BCAS3: variants seen among roughly 807,000 people sequenced by gnomAD.
BCAS3 encodes the protein BCAS3 microtubule associated cell migration factor.
Under a neutral mutation model 116.1 loss-of-function variants are expected in BCAS3, and 53 were observed. The observed-to-expected ratio is 0.46, with a 90% confidence interval of 0.37 to 0.57. BCAS3 has a LOEUF of 0.57. Ranked by LOEUF, BCAS3 falls within the 20% of genes least tolerant of loss-of-function variation. The pLI is 0.00. For missense variants in BCAS3, 917 were observed against 1,165.4 expected (o/e 0.79, Z 3.10); for synonymous variants, 391 against 408.2 (o/e 0.96, Z 0.51).
At chr17:61,375,246 G>GTGCGCGCGCGCGCACACA (rs1555861734) in intron 23 of BCAS3, among the ~76,000 whole-genome samples, 13 of 150,782 alleles carry the variant, frequency 8.6e-5, no homozygotes, top group African/African-American at 3.2e-4. Flanking sequence ...GTGTGTGTGT[G>GTGCGCGCGCGCGCACACA]TGTGTGTGTA....
At chr17:60,857,114 G>T (rs781001651) in intron 7 of BCAS3, among the ~76,000 whole-genome samples, 11 of 152,118 alleles carry the variant, frequency 7.2e-5, no homozygotes, top group Non-Finnish European at 1.6e-4. Flanking sequence ...TAAAGAAAAG[G>T]TCAGTTAAAG....
Position 61,243,465 on chromosome 17 carries a change from G to T in BCAS3, c.2426-124862G>T, listed in dbSNP as rs1210577599. Among the ~76,000 whole-genome samples the T allele has an allele frequency of 6.6e-6, 1 of 152,056 alleles. No homozygotes were observed. Among genetic ancestry groups the T allele is most frequent in the Non-Finnish European group, 1.5e-5 (1 of 68,030 alleles). On this transcript the variant is annotated intron_variant, in intron 22 of 23. Coordinates refer to ENST00000407086, the MANE Select transcript of BCAS3 (RefSeq NM_017679.5). This position sits in a 1 kb window ranked among gnomAD's most constrained non-coding sequence, Gnocchi z 5.6. ...TACAGTGAAGTGGAGATACCTCTTC[G>T]AGATCCACATTTCAGTTCCTTTTGA...
At position 61,007,646 on chromosome 17, in the gene BCAS3, C is replaced by G. The variant is rs959285242; in HGVS notation, c.1487-8105C>G. Among the ~76,000 whole-genome samples, 1 of 151,578 alleles carries G rather than the reference C, an allele frequency of 6.6e-6. No individual in the cohort carries two copies. The highest frequency in any genetic ancestry group is 6.6e-5 in the Admixed American group (1 of 15,180). On this transcript the variant is annotated intron_variant, in intron 15 of 23. Transcript: ENST00000407086. The surrounding 1 kb of genome is among the most constrained non-coding windows in gnomAD (Gnocchi z 4.3). ...CCTAGGCAAAGCTCCATGCAGGCTA[C>G]TTTGTATGTAGTGGGGAGAAGTGAT...
Position 61,379,776 on chromosome 17 carries a change from C to T in BCAS3, c.2593+11282C>T, listed in dbSNP as rs2059516463. 1 of 152,600 alleles carries T rather than the reference C, an allele frequency of 6.6e-6. No individual in the cohort carries two copies. Among genetic ancestry groups the T allele is most frequent in the South Asian group, 2.1e-4 (1 of 4,828 alleles). 9.5% of individuals were successfully genotyped at this position (152,600 alleles called of 1,614,324 possible). On this transcript the variant is annotated intron_variant, in intron 23 of 23. Transcript: ENST00000407086. This position sits in a 1 kb window ranked among gnomAD's most constrained non-coding sequence, Gnocchi z 5.5. ...GCTTGCAGTTCCACCCCTCTGCACC[C>T]TTCATTGAGTTTTGGGAGAAGCGCC... is the stretch of plus-strand genomic sequence containing the variant.
At chr17:60,936,685 C>T (rs1318216286) in intron 13 of BCAS3, among the ~76,000 whole-genome samples, 13 of 152,110 alleles carry the variant, frequency 8.5e-5, no homozygotes, top group African/African-American at 3.1e-4. Context: ...TCATATCCTT[C>T]ACCCACTTTT....
chr17:61,022,018 G>T (rs2065907960), intron 16 of BCAS3, among the ~76,000 whole-genome samples: 2 of 152,108 alleles, frequency 1.3e-5, no homozygotes. Context: ...GTAAGTACCA[G>T]TTCTTCATAG....
chr17:61,055,340 G>C (rs1032068660), intron 19 of BCAS3, among the ~76,000 whole-genome samples: 1 of 152,194 alleles, frequency 6.6e-6, no homozygotes, highest in Non-Finnish European at 1.5e-5. Context: ...ATTTGTATTT[G>C]TCTATCAGAG....
At chr17:61,109,713 T>C (rs4968425) in intron 22 of BCAS3, among the ~76,000 whole-genome samples, 146,018 of 152,284 alleles carry the variant, frequency 0.96, 70,335 homozygotes, top group East Asian at 1. Context: ...TTTTTCCATA[T>C]GCTTGTTGGC....
In BCAS3 at chr17:61,015,866, G is replaced by A. The variant is rs569450212; in HGVS notation, c.1602G>A (p.Gln534=). Residue 534 remains glutamine (Q), a synonymous_variant, in exon 16 of 24, where the codon CAG becomes CAA. Transcript: ENST00000407086. ...MVVMPLAQIK[Q]PMTLGTITKR... ...TGATGCCTCTTGCACAAATCAAGCA[G>A]CCAATGACATTGGGGACCATCACCA... 84 of 1,614,112 alleles carry A rather than the reference G, an allele frequency of 5.2e-5. No homozygotes were observed. Among genetic ancestry groups the A allele is most frequent in the Non-Finnish European group, 6.9e-5 (82 of 1,179,986 alleles).
In BCAS3 at chr17:61,251,966, AAGAG is replaced by A. The variant is rs146532808; in HGVS notation, c.2426-116357_2426-116354del. 0.027 allele frequency among the ~76,000 whole-genome samples: 4,172 copies of A among 152,304 alleles called. 82 individuals carry two copies. The highest frequency in any genetic ancestry group is 0.055 in the African/African-American group (2,298 of 41,560). ...TACACGGGTGGCAGTTTAGAAGAAAAAGAGAGAAAAGGATAAAGAAAAAAACTAA... is the reference window on the plus strand; with the variant it reads ...TACACGGGTGGCAGTTTAGAAGAAAAAGAAAAGGATAAAGAAAAAAACTAA... On this transcript the variant is annotated intron_variant, in intron 22 of 23. Coordinates refer to ENST00000407086, the MANE Select transcript of BCAS3 (RefSeq NM_017679.5). The surrounding 1 kb of genome is among the most constrained non-coding windows in gnomAD (Gnocchi z 4.7).
At chr17:60,704,600 G>T (rs753691380) in intron 4 of BCAS3, among the ~76,000 whole-genome samples, 1 of 152,054 alleles carries the variant, frequency 6.6e-6, no homozygotes, top group Non-Finnish European at 1.5e-5. Context: ...CAGCACTTTG[G>T]GGGGCCGAGG....
intron 5 of BCAS3, among the ~76,000 whole-genome samples, chr17:60,715,044 C>T (rs539491183): frequency 1.3e-5 from 2 of 151,512 alleles, no homozygotes; most frequent in East Asian, 1.9e-4. Flanking sequence ...TTAAAAAAAT[C>T]AAAATTATCT....
chr17:60,812,465 C>T (rs538859906), intron 7 of BCAS3, among the ~76,000 whole-genome samples: 1 of 152,260 alleles, frequency 6.6e-6, no homozygotes, highest in Non-Finnish European at 1.5e-5. Flanking sequence ...GCACTTGTGA[C>T]TTTTTGGAAA....
At chr17:61,150,763 C>A (rs2077499170) in intron 22 of BCAS3, among the ~76,000 whole-genome samples, 1 of 152,182 alleles carries the variant, frequency 6.6e-6, no homozygotes, top group African/African-American at 2.4e-5. Context: ...AACCCCCAGA[C>A]TGCTTTTGGA....
At position 61,278,777 on chromosome 17, in the gene BCAS3, A is replaced by G. The variant is rs540074932; in HGVS notation, c.2426-89550A>G. ...ACATGTCCAGAATAGGAAAATCTAT[A>G]GAGACAGAAAGTAGATTAGTAGTGG... On this transcript the variant is annotated intron_variant, in intron 22 of 23. Coordinates refer to ENST00000407086, the MANE Select transcript of BCAS3 (RefSeq NM_017679.5). The surrounding 1 kb of genome is among the most constrained non-coding windows in gnomAD (Gnocchi z 5.8). Among the ~76,000 whole-genome samples the G allele has an allele frequency of 3.3e-5, 5 of 152,300 alleles. No individual in the cohort carries two copies. Among genetic ancestry groups the G allele is most frequent in the Admixed American group, 6.5e-5 (1 of 15,294 alleles).
chr17:60,741,014 A>G, intron 5 of BCAS3, among the ~76,000 whole-genome samples: 1 of 152,192 alleles, frequency 6.6e-6, no homozygotes, highest in East Asian at 1.9e-4. Context: ...ACAATTTTTA[A>G]TTTTTACATT....
In BCAS3 at chr17:61,222,479, G is replaced by A. The variant is rs1005872082; in HGVS notation, c.2425+137915G>A. 1.3e-5 allele frequency among the ~76,000 whole-genome samples: 2 copies of A among 152,158 alleles called. No individual in the cohort carries two copies. Among genetic ancestry groups the A allele is most frequent in the Non-Finnish European group, 2.9e-5 (2 of 68,030 alleles). Reference sequence around the variant, plus strand: ...AGTCTACTTAAAAAGAAAAGGACTCGTAGCATTCCTCTTTTCGCTGTTGCT... The same window carrying A: ...AGTCTACTTAAAAAGAAAAGGACTCATAGCATTCCTCTTTTCGCTGTTGCT... On this transcript the variant is annotated intron_variant, in intron 22 of 23. Coordinates refer to ENST00000407086, the MANE Select transcript of BCAS3 (RefSeq NM_017679.5). This position sits in a 1 kb window ranked among gnomAD's most constrained non-coding sequence, Gnocchi z 6.1.
intron 22 of BCAS3, among the ~76,000 whole-genome samples, chr17:61,238,645 CT>C (rs1254334794): frequency 6.6e-6 from 1 of 152,134 alleles, no homozygotes; most frequent in Non-Finnish European, 1.5e-5. Flanking sequence ...TATGGCCTTG[CT>C]TTTTCTGAGC....
At chr17:60,874,607 C>G in intron 8 of BCAS3, 55 bp from the exon 9 acceptor site, 1 of 1,282,336 alleles carries the variant, frequency 7.8e-7, no homozygotes, top group Non-Finnish European at 1.1e-6. Context: ...ATTCCACTTA[C>G]AGAATTTCAC....
Sources: gnomAD v4.1 joint callset for allele counts (sites outside exome capture counted in the v4.1 genomes callset) on GRCh38, gnomAD v4.1.1 for gene constraint, Gnocchi (gnomAD v3.1) non-coding constraint, MANE v1.5 for transcripts, NCBI Gene and HGNC (gene_info 2026-07-23, HGNC 2026-07-21) for gene names.